The following CLASP1 variants were observed in gnomAD, a reference collection of about 807,000 sequenced individuals.
CLASP1 encodes the protein CLIP-associating protein 1.
A neutral mutation model predicts 192.3 loss-of-function variants in CLASP1; 38 were observed. The observed-to-expected ratio is 0.20, with a 90% CI of 0.15 to 0.26. The LOEUF is 0.26. CLASP1 is among the 10% of genes least tolerant of loss of function. CLASP1 has a pLI of 1.00. For missense variants in CLASP1, 1,433 were observed against 1,932.5 expected, an observed-to-expected ratio of 0.74 and a Z score of 4.85; for synonymous variants, 691 against 712.8, an observed-to-expected ratio of 0.97 and a Z score of 0.49.
chr2:121,503,377 A>C (rs763183638), intron 7 of CLASP1, 143 bp from the exon 8 acceptor site: 27 of 596,552 alleles, frequency 4.5e-5, no homozygotes, highest in Non-Finnish European at 6.7e-5. Context: ...ACAGTGACTC[A>C]ATCAATAACA....
At position 121,430,100 on chromosome 2, in the gene CLASP1, G is replaced by A. The variant is rs370837663; in HGVS notation, c.1990C>T (p.Arg664Cys). The change falls in exon 20 of 40, where the codon CGC becomes TGC. Residue 664 changes from arginine (R) to cysteine (C), a missense_variant. This residue lies in a region of CLASP1 where 445 missense variants were observed against 535.5 expected (regional missense o/e 0.83). Transcript: ENST00000263710. ...TGGGACTGTGAAACCACTTTAGCGC[G>A]ACTGCGGCCCCGGTTATCAGGTGTA... 8 of 1,572,676 alleles carry A rather than the reference G, an allele frequency of 5.1e-6. No homozygotes were observed. Among genetic ancestry groups the A allele is most frequent in the East Asian group, 2.3e-5 (1 of 42,606 alleles).
chr2:121,514,058 CCTTT>C (rs1290249071), intron 7 of CLASP1, among the ~76,000 whole-genome samples: 2 of 152,212 alleles, frequency 1.3e-5, no homozygotes, highest in Non-Finnish European at 2.9e-5. Context: ...TGTAAGCAGG[CCTTT>C]CTAAGGAAAG....
chr2:121,601,521 C>T (rs2105875584), intron 2 of CLASP1, among the ~76,000 whole-genome samples: 1 of 152,240 alleles, frequency 6.6e-6, no homozygotes, highest in African/African-American at 2.4e-5. Context: ...CCGCCTGCCT[C>T]GGCCTCCCAA....
chr2:121,614,101 G>A (rs1272773951), intron 1 of CLASP1, among the ~76,000 whole-genome samples: 1 of 152,198 alleles, frequency 6.6e-6, no homozygotes, highest in Non-Finnish European at 1.5e-5. Context: ...GATGACAAAG[G>A]GGGAGGCTAC....
chr2:121,377,251 G>T (rs1435589637), intron 34 of CLASP1, among the ~76,000 whole-genome samples: 2 of 152,208 alleles, frequency 1.3e-5, no homozygotes, highest in Admixed American at 6.5e-5. Flanking sequence ...AATGATAAAT[G>T]AGGTGATGGA....
At chr2:121,355,747 C>A (rs1325772688) in intron 37 of CLASP1, among the ~76,000 whole-genome samples, 1 of 152,136 alleles carries the variant, frequency 6.6e-6, no homozygotes, top group African/African-American at 2.4e-5. Context: ...GCAGCAGAAA[C>A]AAAGGAAGAC....
chr2:121,514,314 G>A (rs1327303423), intron 7 of CLASP1, among the ~76,000 whole-genome samples: 1 of 152,178 alleles, frequency 6.6e-6, no homozygotes, highest in Admixed American at 6.5e-5. Flanking sequence ...CTCGAGACCT[G>A]TTTTCCCAAC....
At chr2:121,523,490 TGA>T (rs908712485) in intron 6 of CLASP1, among the ~76,000 whole-genome samples, 1 of 152,200 alleles carries the variant, frequency 6.6e-6, no homozygotes. Flanking sequence ...AACTTTTAAG[TGA>T]GACCTCCTCT....
At chr2:121,501,156 C>T (rs1055933153) in intron 8 of CLASP1, among the ~76,000 whole-genome samples, 3 of 152,244 alleles carry the variant, frequency 2.0e-5, no homozygotes, top group African/African-American at 7.2e-5. Flanking sequence ...TGTTTCATAG[C>T]TGTCATACTG....
intron 30 of CLASP1, among the ~76,000 whole-genome samples, chr2:121,394,235 T>G (rs1223275353): frequency 5.3e-5 from 8 of 152,232 alleles, no homozygotes; most frequent in Non-Finnish European, 1.2e-4. Flanking sequence ...TGACTTTGAG[T>G]TAATCCAAAG....
chr2:121,367,278 C>T (rs1172923680), intron 35 of CLASP1, among the ~76,000 whole-genome samples: 1 of 152,208 alleles, frequency 6.6e-6, no homozygotes, highest in Non-Finnish European at 1.5e-5. Flanking sequence ...CTGGGTTCTA[C>T]AGCAAAACCT....
intron 8 of CLASP1, among the ~76,000 whole-genome samples, chr2:121,472,184 T>C (rs1489264779): frequency 6.6e-6 from 1 of 152,236 alleles, no homozygotes; most frequent in Non-Finnish European, 1.5e-5. Flanking sequence ...TTTAGTTCAG[T>C]CTTCTAAAAT....
chr2:121,359,474 G>A (rs1026159003), intron 37 of CLASP1, among the ~76,000 whole-genome samples: 3 of 152,098 alleles, frequency 2.0e-5, no homozygotes, highest in African/African-American at 7.2e-5. Context: ...CCAAAGGAGA[G>A]GTTCTGTACC....
chr2:121,411,173 G>A (rs888685963), intron 23 of CLASP1, among the ~76,000 whole-genome samples: 3 of 152,192 alleles, frequency 2.0e-5, no homozygotes, highest in South Asian at 4.1e-4. Context: ...ACTGTCACTC[G>A]AAATTGTTCA....
chr2:121,476,507 A>C (rs2091628802), intron 8 of CLASP1, among the ~76,000 whole-genome samples: 1 of 152,222 alleles, frequency 6.6e-6, no homozygotes, highest in Non-Finnish European at 1.5e-5. Context: ...GTTCGCTCGG[A>C]AAATTTAAAC....
At chr2:121,607,599 T>C (rs2064613667) in intron 1 of CLASP1, among the ~76,000 whole-genome samples, 1 of 152,192 alleles carries the variant, frequency 6.6e-6, no homozygotes, top group Non-Finnish European at 1.5e-5. Context: ...AAACCATTAC[T>C]TAATTCCTTT....
intron 1 of CLASP1, among the ~76,000 whole-genome samples, chr2:121,631,336 GGAGT>G (rs2069614753): frequency 1.5e-5 from 2 of 129,308 alleles, no homozygotes; most frequent in Non-Finnish European, 3.1e-5. Context: ...TCACCATGCT[GGAGT>G]GCACTGGTAC....
chr2:121,365,206 T>C, exon 36 of CLASP1: 1 of 1,613,834 alleles, frequency 6.2e-7, no homozygotes, highest in South Asian at 1.1e-5. Context: ...CAGGGCTCCC[T>C]TCCGTTCCTC....
intron 23 of CLASP1, among the ~76,000 whole-genome samples, chr2:121,417,741 T>C (rs941755197): frequency 6.6e-6 from 1 of 152,180 alleles, no homozygotes; most frequent in Non-Finnish European, 1.5e-5. Flanking sequence ...GGAAAAAAGA[T>C]CAGAAGAAGT....
Sources: gnomAD v4.1 joint callset for allele counts (sites outside exome capture counted in the v4.1 genomes callset) on GRCh38, gnomAD v4.1.1 for gene constraint, gnomAD v4.1.1 regional missense constraint, MANE v1.5 for transcripts, NCBI Gene and HGNC (gene_info 2026-07-23, HGNC 2026-07-21) for gene names.